The following GABRA5 variants were observed in gnomAD, a reference collection of about 807,000 sequenced individuals.
The protein encoded by GABRA5 is gamma-aminobutyric acid receptor subunit alpha-5.
A neutral mutation model predicts 47.3 loss-of-function variants in GABRA5; 18 were observed. That is an observed-to-expected ratio of 0.38 (90% CI 0.26 to 0.56). The LOEUF (loss-of-function observed/expected upper bound fraction) is 0.56, where lower values mean the gene tolerates loss of function less well. Among genes scored for constraint, GABRA5 ranks in the 20% least tolerant of loss-of-function variants. GABRA5 has a pLI of 0.71. For synonymous variants in GABRA5, 237 were observed against 229.3 expected (o/e 1.03, Z -0.30); for missense variants, 365 against 599.3 (o/e 0.61, Z 4.08).
rs774099792 is a variant in GABRA5, at chr15:26,880,877, G to A, written c.118G>A (p.Asp40Asn). The A allele has an allele frequency of 8.7e-6, 14 of 1,613,972 alleles. No homozygotes were observed. The highest frequency in any genetic ancestry group is 1.2e-5 in the Non-Finnish European group (14 of 1,179,864). The change falls in exon 4 of 11, where the codon GAT becomes AAT. Residue 40 changes from aspartate (D) to asparagine (N), a missense_variant. Around this residue, in one of 3 missense-constraint regions of GABRA5, gnomAD observed 216 missense variants for 335.3 expected, o/e 0.64. Transcript: ENST00000335625. ...ACAGATGCCAACCAGTTCAGTGAAA[G>A]ATGAGACCAATGACAACATCACGAT... ...FSQMPTSSVK[D>N]ETNDNITIFT...
rs903905754 is a variant in GABRA5, at chr15:26,883,777, C to T, written c.497+220C>T. On this transcript the variant is annotated intron_variant, in intron 6 of 10. Coordinates refer to ENST00000335625, the MANE Select transcript of GABRA5 (RefSeq NM_000810.4). The surrounding 1 kb of genome is among the most constrained non-coding windows in gnomAD (Gnocchi z 4.8). ...GGTCCGTGGCCGTTTGTCATTTGGACTCGTTTATTCGGTTCAAGCTCAAGA... is the reference window on the plus strand; with the variant it reads ...GGTCCGTGGCCGTTTGTCATTTGGATTCGTTTATTCGGTTCAAGCTCAAGA... Among the ~76,000 whole-genome samples, 2 of 152,210 alleles carry T rather than the reference C, an allele frequency of 1.3e-5. No homozygotes were observed. The highest frequency in any genetic ancestry group is 3.9e-4 in the East Asian group (2 of 5,194).
intron 6 of GABRA5, among the ~76,000 whole-genome samples, chr15:26,898,324 TTCTG>T (rs2079790390): frequency 6.6e-6 from 1 of 152,146 alleles, no homozygotes; most frequent in South Asian, 2.1e-4. Flanking sequence ...TCAGGTGGGC[TTCTG>T]AGTGTCACTT....
intron 7 of GABRA5, among the ~76,000 whole-genome samples, chr15:26,930,899 T>TC (rs1217373468): frequency 7.0e-6 from 1 of 143,600 alleles, no homozygotes; most frequent in East Asian, 2.0e-4. Context: ...TCTTTTCTTT[T>TC]TTTTTTTTTT....
At chr15:26,903,585 A>G (rs1420774478) in intron 6 of GABRA5, among the ~76,000 whole-genome samples, 1 of 152,102 alleles carries the variant, frequency 6.6e-6, no homozygotes, top group Non-Finnish European at 1.5e-5. Context: ...GTGTATAAGC[A>G]TTCCCCTTTC....
chr15:26,935,155 C>G (rs957155234), intron 7 of GABRA5, among the ~76,000 whole-genome samples: 2 of 152,156 alleles, frequency 1.3e-5, no homozygotes, highest in South Asian at 2.1e-4. Context: ...TTTATTCCCA[C>G]CCTTAATGTG....
At chr15:26,922,281 C>T (rs1487708554) in intron 7 of GABRA5, among the ~76,000 whole-genome samples, 1 of 152,128 alleles carries the variant, frequency 6.6e-6, no homozygotes. Flanking sequence ...TTATTTGGTG[C>T]ATACACATAT....
At chr15:26,906,483 A>G (rs1893447196) in intron 6 of GABRA5, among the ~76,000 whole-genome samples, 2 of 152,094 alleles carry the variant, frequency 1.3e-5, no homozygotes, top group South Asian at 4.1e-4. Flanking sequence ...TTTTTTTAGT[A>G]TGTGTCCAGC....
chr15:26,883,586 C>CGGGGGGGGGGGGGGGGGGGGGGCG lies in GABRA5; in HGVS notation c.497+34_497+35insGGGGGGGGGGGGGGGGGCGGGGGG. The CGGGGGGGGGGGGGGGGGGGGGGCG allele has an allele frequency of 3.6e-6, 2 of 560,474 alleles. No homozygotes were observed. Among genetic ancestry groups the CGGGGGGGGGGGGGGGGGGGGGGCG allele is most frequent in the Non-Finnish European group, 6.4e-6 (2 of 311,140 alleles). The allele number at this position is 560,474 out of a possible 1,614,324, so 34.7% of individuals were successfully genotyped here. Reference sequence around the variant, plus strand: ...AGCGCCGGGCGGGGGCGGGCGGGGCCGGGGGACGGTGCGGGGCAGGCGCGG... The same window carrying CGGGGGGGGGGGGGGGGGGGGGGCG: ...AGCGCCGGGCGGGGGCGGGCGGGGCCGGGGGGGGGGGGGGGGGGGGGGCGGGGGGACGGTGCGGGGCAGGCGCGG... On this transcript the variant is annotated intron_variant, in intron 6 of 10. Transcript: ENST00000335625. The surrounding 1 kb of genome is among the most constrained non-coding windows in gnomAD (Gnocchi z 4.8).
chr15:26,921,649 G>A (rs992577954), intron 7 of GABRA5, among the ~76,000 whole-genome samples: 6 of 151,480 alleles, frequency 4.0e-5, no homozygotes, highest in Admixed American at 6.6e-5. Context: ...CATTTAGTTT[G>A]CATTTCTTTT....
intron 6 of GABRA5, among the ~76,000 whole-genome samples, chr15:26,897,936 G>A (rs920719711): frequency 5.3e-5 from 8 of 151,924 alleles, no homozygotes; most frequent in Non-Finnish European, 1.0e-4. Flanking sequence ...TGACACTTGG[G>A]GACTGGTAAC....
intron 3 of GABRA5, among the ~76,000 whole-genome samples, chr15:26,875,039 A>C (rs1286119173): frequency 6.6e-6 from 1 of 152,156 alleles, no homozygotes; most frequent in Non-Finnish European, 1.5e-5. Flanking sequence ...TCAATGTGGG[A>C]TTAATCATGG....
At chr15:26,891,264 T>C (rs891750540) in intron 6 of GABRA5, among the ~76,000 whole-genome samples, 33 of 152,190 alleles carry the variant, frequency 2.2e-4, no homozygotes, top group African/African-American at 7.7e-4. Flanking sequence ...GCAGACATCC[T>C]CGTCCTAGTG....
chr15:26,909,727 G>T (rs528672625), intron 6 of GABRA5, among the ~76,000 whole-genome samples: 2 of 152,148 alleles, frequency 1.3e-5, no homozygotes, highest in Non-Finnish European at 2.9e-5. Context: ...ATTGTATTGG[G>T]CTCACATGGA....
intron 3 of GABRA5, among the ~76,000 whole-genome samples, chr15:26,876,334 G>C (rs1034629414): frequency 1.3e-5 from 2 of 152,152 alleles, no homozygotes; most frequent in African/African-American, 4.8e-5. Context: ...GTTTGGATGA[G>C]ACAGTCGGAG....
At position 26,883,196 on chromosome 15, in the gene GABRA5, A is replaced by G. The variant is rs754139523; in HGVS notation, c.239A>G (p.Tyr80Cys). The G allele has an allele frequency of 1.2e-6, 2 of 1,613,778 alleles. No homozygotes were observed. The change falls in exon 5 of 11, where the codon TAC (tyrosine) becomes TGC (cysteine). Residue 80 changes from tyrosine to cysteine, a missense_variant. Coordinates refer to ENST00000335625, the MANE Select transcript of GABRA5 (RefSeq NM_000810.4). This position sits in a 1 kb window ranked among gnomAD's most constrained non-coding sequence, Gnocchi z 4.8. ...ERITQVRTDI[Y>C]VTSFGPVSDT... ...ATCACTCAGGTGAGGACCGACATCT[A>G]CGTCACCAGCTTCGGCCCGGTGTCC...
rs767586034 is a variant in GABRA5, at chr15:26,914,810, A to G, written c.505A>G (p.Ile169Val). 5 of 1,613,406 alleles carry G rather than the reference A, an allele frequency of 3.1e-6. No homozygotes were observed. Among genetic ancestry groups the G allele is most frequent in the South Asian group, 1.1e-5 (1 of 91,080 alleles). The change falls in exon 7 of 11, where the codon ATC becomes GTC. Residue 169 changes from isoleucine (I) to valine (V), a missense_variant. Transcript: ENST00000335625. ...GTLLYTMRLT[I>V]SAECPMQLED... ...TCATCTTTTATTTTTCAGCTTGACC[A>G]TCTCTGCAGAGTGCCCCATGCAGCT...
intron 7 of GABRA5, among the ~76,000 whole-genome samples, chr15:26,934,248 TAAAAAAA>T (rs776194243): frequency 3.5e-5 from 4 of 112,962 alleles, no homozygotes; most frequent in Non-Finnish European, 1.8e-5. Flanking sequence ...AGAGAATGTT[TAAAAAAA>T]AAAAAAAAAA....
chr15:26,939,569 G>A lies in GABRA5; in HGVS notation c.725-356G>A, dbSNP rs933451190. 9 of 614,096 alleles carry A rather than the reference G, an allele frequency of 1.5e-5. No individual in the cohort carries two copies. In the African/African-American group the frequency reaches 1.5e-4, roughly 10 times the overall value. 38.0% of individuals were successfully genotyped at this position (614,096 alleles called of 1,614,324 possible). ...CCTCTGCAGGGCTCTGTGAAATCCTGAGTTACATCTGGGGAGGCTAAATCC... is the reference window on the plus strand; with the variant it reads ...CCTCTGCAGGGCTCTGTGAAATCCTAAGTTACATCTGGGGAGGCTAAATCC... On this transcript the variant is annotated intron_variant, in intron 8 of 10. Transcript: ENST00000335625.
intron 6 of GABRA5, among the ~76,000 whole-genome samples, chr15:26,912,161 A>G (rs1394924771): frequency 6.6e-6 from 1 of 152,182 alleles, no homozygotes; most frequent in Non-Finnish European, 1.5e-5. Context: ...AGTGTTCTCT[A>G]AACTCCCACA....
Sources: gnomAD v4.1 joint callset for allele counts (sites outside exome capture counted in the v4.1 genomes callset) on GRCh38, gnomAD v4.1.1 for gene constraint, gnomAD v4.1.1 regional missense constraint, Gnocchi (gnomAD v3.1) non-coding constraint, MANE v1.5 for transcripts, NCBI Gene and HGNC (gene_info 2026-07-23, HGNC 2026-07-21) for gene names.